Variants in PHTF2 observed in about 807,000 individuals in gnomAD.
PHTF2 encodes the protein putative homeodomain transcription factor 2, also known as protein PHTF2.
PHTF2 carries 60 observed loss-of-function variants against 101.2 expected under a neutral mutation model. The observed-to-expected ratio is 0.59, with a 90% CI of 0.48 to 0.73. The LOEUF is 0.73. Among genes scored for constraint, PHTF2 ranks in the 30% least tolerant of loss-of-function variants. The pLI is 0.00. For missense variants in PHTF2, 747 were observed against 908.7 expected (o/e 0.82, Z 2.29); for synonymous variants, 311 against 307.3 (o/e 1.01, Z -0.13).
chr7:77,922,789 T>C lies in PHTF2; in HGVS notation c.1119+11T>C, dbSNP rs1803602314. The stretch of plus-strand genomic sequence containing the variant: ...CATTACCCTAATGAGGTATATACTT[T>C]GTCCTTAAGTGTATACATACGTATC... On this transcript the variant is annotated intron_variant, in intron 11 of 19. Coordinates refer to ENST00000416283, the Ensembl canonical transcript of PHTF2. 6.6e-7 allele frequency: 1 copy of C among 1,526,192 alleles called. No homozygotes were observed. Among genetic ancestry groups the C allele is most frequent in the Non-Finnish European group, 9.0e-7 (1 of 1,114,474 alleles). The allele number at this position is 1,526,192 out of a possible 1,614,324, so 94.5% of individuals were successfully genotyped here.
chr7:77,853,713 T>TC (rs1796950903), intron 2 of PHTF2, among the ~76,000 whole-genome samples: 1 of 151,988 alleles, frequency 6.6e-6, no homozygotes, highest in Admixed American at 6.6e-5. Context: ...TAGATTTTTT[T>TC]TTCTCTCTCT....
At chr7:77,866,653 C>G (rs1320090332) in intron 3 of PHTF2, among the ~76,000 whole-genome samples, 2 of 151,804 alleles carry the variant, frequency 1.3e-5, no homozygotes, top group African/African-American at 4.8e-5. Flanking sequence ...TAAGATTGTT[C>G]TCTTTAATGG....
intron 1 of PHTF2, among the ~76,000 whole-genome samples, chr7:77,814,775 A>G (rs937143845): frequency 1.3e-5 from 2 of 151,964 alleles, no homozygotes; most frequent in African/African-American, 4.8e-5. Context: ...CTGGGGGGGC[A>G]TTTTTAAACA....
intron 7 of PHTF2, among the ~76,000 whole-genome samples, chr7:77,905,346 C>T (rs1801757396): frequency 6.6e-6 from 1 of 151,990 alleles, no homozygotes; most frequent in Non-Finnish European, 1.5e-5. Context: ...CAGCCTCAGC[C>T]TCCCAACTAG....
chr7:77,923,677 TTG>T (rs1450687117), intron 11 of PHTF2: 7 of 985,302 alleles, frequency 7.1e-6, no homozygotes, highest in Non-Finnish European at 7.2e-6. Context: ...GTAGTGTTTC[TTG>T]TTCCTAAGCC....
intron 3 of PHTF2, among the ~76,000 whole-genome samples, chr7:77,882,069 C>T (rs182991831): frequency 6.6e-6 from 1 of 152,202 alleles, no homozygotes; most frequent in East Asian, 1.9e-4. Context: ...GATCAGGATT[C>T]GTGATTTGAT....
chr7:77,906,886 C>T (rs1363739375), intron 7 of PHTF2, among the ~76,000 whole-genome samples: 1 of 142,984 alleles, frequency 7.0e-6, no homozygotes, highest in East Asian at 2.1e-4. Context: ...CCAGCCTGGG[C>T]AGCAGAGCGA....
chr7:77,905,021 A>G (rs544515876), intron 7 of PHTF2, among the ~76,000 whole-genome samples: 4 of 152,192 alleles, frequency 2.6e-5, no homozygotes, highest in South Asian at 4.1e-4. Context: ...CTTATCAGCT[A>G]TCGTTAGTGT....
intron 5 of PHTF2, among the ~76,000 whole-genome samples, chr7:77,898,152 G>A (rs1326923309): frequency 6.6e-6 from 1 of 152,000 alleles, no homozygotes; most frequent in Non-Finnish European, 1.5e-5. Flanking sequence ...AAACAAGGTC[G>A]ATTAGAAGAA....
exon 11 of PHTF2, chr7:77,922,737 A>G (rs1387538200): frequency 3.1e-6 from 5 of 1,607,070 alleles, no homozygotes; most frequent in Non-Finnish European, 4.3e-6. Context: ...TGTTCTTCGG[A>G]ATAGAAAGTC....
intron 6 of PHTF2, among the ~76,000 whole-genome samples, chr7:77,901,145 G>A (rs1165094953): frequency 6.6e-6 from 1 of 152,216 alleles, no homozygotes; most frequent in Non-Finnish European, 1.5e-5. Flanking sequence ...CAAGCCATGA[G>A]GGCTTCACCC....
intron 16 of PHTF2, among the ~76,000 whole-genome samples, chr7:77,948,866 CT>C (rs1475188590): frequency 3.9e-5 from 6 of 152,178 alleles, no homozygotes; most frequent in Non-Finnish European, 8.8e-5. Context: ...CAGAGACTAA[CT>C]TACAATATCT....
chr7:77,934,929 G>C (rs1584759492), intron 12 of PHTF2, among the ~76,000 whole-genome samples: 1 of 151,734 alleles, frequency 6.6e-6, no homozygotes, highest in South Asian at 2.1e-4. Context: ...TCCAGCCTGG[G>C]CAGTGGAGCC....
chr7:77,840,379 T>C, intron 2 of PHTF2, 79 bp downstream of exon 2: 1 of 856,608 alleles, frequency 1.2e-6, no homozygotes, highest in East Asian at 2.5e-5. Context: ...CTATAGATGT[T>C]AGGATTTTGA....
chr7:77,842,150 A>G (rs1451151654), intron 2 of PHTF2, among the ~76,000 whole-genome samples: 3 of 152,200 alleles, frequency 2.0e-5, no homozygotes, highest in Non-Finnish European at 4.4e-5. Context: ...CAGAGCAACT[A>G]TAGGAAATGT....
At chr7:77,822,380 G>A (rs1794360025) in intron 1 of PHTF2, among the ~76,000 whole-genome samples, 1 of 152,160 alleles carries the variant, frequency 6.6e-6, no homozygotes, top group Non-Finnish European at 1.5e-5. Flanking sequence ...AGAGCAGGGT[G>A]CACTCCAGAG....
exon 11 of PHTF2, chr7:77,922,734 C>G: frequency 6.2e-7 from 1 of 1,607,060 alleles, no homozygotes; most frequent in Non-Finnish European, 8.5e-7. Context: ...AGGTGTTCTT[C>G]GGAATAGAAA....
chr7:77,852,383 G>C (rs1796834722), intron 2 of PHTF2, among the ~76,000 whole-genome samples: 1 of 152,136 alleles, frequency 6.6e-6, no homozygotes, highest in Non-Finnish European at 1.5e-5. Flanking sequence ...TCTGTTGTAG[G>C]TTTTTTGATT....
At chr7:77,886,687 C>A (rs1799878048) in intron 3 of PHTF2, among the ~76,000 whole-genome samples, 1 of 152,008 alleles carries the variant, frequency 6.6e-6, no homozygotes, top group South Asian at 2.1e-4. Flanking sequence ...ATCCAATAGA[C>A]CTGGGTTCGA....
Sources: allele counts gnomAD v4.1 joint callset (sites outside exome capture counted in the v4.1 genomes callset), GRCh38; gene constraint gnomAD v4.1.1; transcripts MANE v1.5; gene names NCBI Gene and HGNC (gene_info 2026-07-23, HGNC 2026-07-21).